The following GPM6A variants were observed in gnomAD, a reference collection of about 807,000 sequenced individuals.
GPM6A encodes the protein neuronal membrane glycoprotein M6-a.
GPM6A carries 7 observed loss-of-function variants against 32.1 expected under a neutral mutation model. That is an observed-to-expected ratio of 0.22 (90% CI 0.12 to 0.41). The LOEUF (loss-of-function observed/expected upper bound fraction) is 0.41, where lower values mean the gene tolerates loss of function less well. GPM6A is among the 10% of genes least tolerant of loss of function. The pLI, the probability that GPM6A is intolerant of heterozygous loss-of-function variation, is 1.00. For synonymous variants in GPM6A, 130 were observed against 123.4 expected (o/e 1.05, Z -0.35); for missense variants, 235 against 347.2 (o/e 0.68, Z 2.57).
chr4:175,798,923 C>G (rs4690414), intron 1 of GPM6A, among the ~76,000 whole-genome samples: 68,786 of 151,974 alleles, frequency 0.45, 16,396 homozygotes, highest in Non-Finnish European at 0.53. Flanking sequence ...TTTTTGTCTG[C>G]CATGTCCTCT....
intron 1 of GPM6A, among the ~76,000 whole-genome samples, chr4:175,943,951 A>C (rs183185547): frequency 7.7e-4 from 117 of 152,268 alleles, no homozygotes; most frequent in Middle Eastern, 6.8e-3. Flanking sequence ...TTTTAGAAAG[A>C]ATGGTACCAG....
intron 1 of GPM6A, among the ~76,000 whole-genome samples, chr4:175,728,481 C>T (rs991617655): frequency 6.6e-6 from 1 of 152,076 alleles, no homozygotes; most frequent in African/African-American, 2.4e-5. Flanking sequence ...ATTTACTTTC[C>T]CATCATGCCA....
At chr4:175,913,692 C>T (rs1738394193) in intron 1 of GPM6A, among the ~76,000 whole-genome samples, 1 of 152,146 alleles carries the variant, frequency 6.6e-6, no homozygotes, top group Admixed American at 6.6e-5. Flanking sequence ...TTGCTTGGTG[C>T]TCTTGCCCTG....
intron 1 of GPM6A, among the ~76,000 whole-genome samples, chr4:175,966,350 T>C (rs1288286516): frequency 6.6e-6 from 1 of 151,806 alleles, no homozygotes; most frequent in Admixed American, 6.6e-5. Context: ...TGCAGTGAGC[T>C]GAGATGGAGC....
At chr4:175,843,859 GCCCT>G (rs1264792510) in intron 1 of GPM6A, among the ~76,000 whole-genome samples, 1 of 152,096 alleles carries the variant, frequency 6.6e-6, no homozygotes, top group East Asian at 1.9e-4. Context: ...GCTTCTCTGG[GCCCT>G]CCCTTTGAGG....
intron 1 of GPM6A, among the ~76,000 whole-genome samples, chr4:175,727,419 G>C (rs1014065042): frequency 6.6e-6 from 1 of 152,120 alleles, no homozygotes; most frequent in African/African-American, 2.4e-5. Flanking sequence ...ATGCAACATA[G>C]GGAAAAACAA....
chr4:175,739,858 A>C (rs541192638), intron 1 of GPM6A, among the ~76,000 whole-genome samples: 43 of 152,198 alleles, frequency 2.8e-4, no homozygotes, highest in African/African-American at 9.6e-4. Context: ...AGAAATTACT[A>C]AATTATTTAT....
chr4:175,773,038 T>G (rs2111236218), intron 1 of GPM6A, among the ~76,000 whole-genome samples: 1 of 152,358 alleles, frequency 6.6e-6, no homozygotes, highest in East Asian at 1.9e-4. Context: ...CCTTTCAATT[T>G]GTGTAATCTT....
chr4:175,701,625 G>C lies in GPM6A; in HGVS notation c.180C>G (p.Thr60=). ...CAGCAGTTCTTGCCATCTCAAAGTA[G>C]GTTTGCAGAATGTTGACAGTTCCAG... ...ALSGTVNILQ[T]YFEMARTAGD... is the part of the protein sequence containing the mutation. Residue 60 remains threonine (T), a synonymous_variant, in exon 2 of 7, where the codon ACC becomes ACG. Coordinates refer to ENST00000393658, the MANE Select transcript of GPM6A (RefSeq NM_201591.3). 6 of 1,613,990 alleles carry C rather than the reference G, an allele frequency of 3.7e-6. No homozygotes were observed. Among genetic ancestry groups the C allele is most frequent in the Non-Finnish European group, 5.1e-6 (6 of 1,179,934 alleles).
intron 2 of GPM6A, among the ~76,000 whole-genome samples, chr4:175,683,835 C>CT (rs748908929): frequency 9.7e-4 from 141 of 145,180 alleles, no homozygotes; most frequent in East Asian, 9.9e-4. Context: ...TATACATATA[C>CT]TTTTTTTTTT....
At chr4:175,781,799 A>G (rs10032980) in intron 1 of GPM6A, among the ~76,000 whole-genome samples, 9,611 of 152,236 alleles carry the variant, frequency 0.063, 959 homozygotes, top group African/African-American at 0.22. Context: ...TCCTGTGCAA[A>G]TGTCCTGTCT....
intron 1 of GPM6A, among the ~76,000 whole-genome samples, chr4:175,826,877 G>A (rs541325846): frequency 2.6e-5 from 4 of 152,020 alleles, no homozygotes; most frequent in South Asian, 2.1e-4. Flanking sequence ...GTAATCTGTC[G>A]GTTTACTCCA....
At chr4:175,854,133 G>A (rs1736346346) in intron 1 of GPM6A, among the ~76,000 whole-genome samples, 1 of 152,170 alleles carries the variant, frequency 6.6e-6, no homozygotes, top group African/African-American at 2.4e-5. Flanking sequence ...AAATAAATAT[G>A]TGTCAGCACA....
intron 1 of GPM6A, among the ~76,000 whole-genome samples, chr4:175,898,324 AC>A (rs1167482470): frequency 6.6e-6 from 1 of 152,140 alleles, no homozygotes; most frequent in Non-Finnish European, 1.5e-5. Context: ...AAGACCTGAC[AC>A]CCAACTACCT....
chr4:175,876,627 A>T (rs78319998), intron 1 of GPM6A, among the ~76,000 whole-genome samples: 8,214 of 152,214 alleles, frequency 0.054, 302 homozygotes, highest in Non-Finnish European at 0.081. Context: ...CCACCTAAGA[A>T]GATCACACTA....
chr4:175,920,976 C>T lies in GPM6A; in HGVS notation c.-23+81333G>A, dbSNP rs371471051. Among the ~76,000 whole-genome samples, 4 of 151,998 alleles carry T rather than the reference C, an allele frequency of 2.6e-5. No homozygotes were observed. The East Asian group carries it at 7.7e-4, about 29-fold the overall frequency. On this transcript the variant is annotated intron_variant, in intron 1 of 7. Transcript: ENST00000280187. ...AACATTGTCAAAGCATATGCTTCTA[C>T]AATAGATGAGGAAACATAACTCCAA...
intron 1 of GPM6A, among the ~76,000 whole-genome samples, chr4:175,996,000 C>A (rs1741297171): frequency 6.6e-6 from 1 of 152,054 alleles, no homozygotes; most frequent in African/African-American, 2.4e-5. Flanking sequence ...CAGTATTTAC[C>A]CTTGTCTCCT....
chr4:175,949,165 C>T (rs888021820), intron 1 of GPM6A, among the ~76,000 whole-genome samples: 1 of 152,052 alleles, frequency 6.6e-6, no homozygotes, highest in African/African-American at 2.4e-5. Context: ...AGGAGTTATC[C>T]ATGGGTAGTG....
At chr4:175,981,850 T>G (rs1740828654) in intron 1 of GPM6A, among the ~76,000 whole-genome samples, 2 of 152,146 alleles carry the variant, frequency 1.3e-5, no homozygotes, top group Non-Finnish European at 2.9e-5. Context: ...CACAACGATG[T>G]TTGAGAATTC....
Sources: allele counts gnomAD v4.1 joint callset (sites outside exome capture counted in the v4.1 genomes callset), GRCh38; gene constraint gnomAD v4.1.1; transcripts MANE v1.5; gene names NCBI Gene and HGNC (gene_info 2026-07-23, HGNC 2026-07-21).